The following MPZL3 variants were observed in gnomAD, a reference collection of about 807,000 sequenced individuals.
MPZL3 encodes the protein myelin protein zero like 3.
A neutral mutation model predicts 24.8 loss-of-function variants in MPZL3; 23 were observed. The observed-to-expected ratio is 0.93, with a 90% CI of 0.67 to 1.31. The LOEUF (loss-of-function observed/expected upper bound fraction) is 1.31. Ranked by LOEUF, MPZL3 falls within the 40% of genes most tolerant of loss-of-function variation. The probability of loss-of-function intolerance (pLI) is 0.00; values close to 1 mark genes in which losing one functional copy is unlikely to be tolerated. For missense variants in MPZL3, 277 were observed against 294.9 expected (o/e 0.94, Z 0.44); for synonymous variants, 99 against 106.5 (o/e 0.93, Z 0.44).
chr11:118,245,061 G>A (rs1428389401), intron 1 of MPZL3, among the ~76,000 whole-genome samples: 9 of 152,020 alleles, frequency 5.9e-5, no homozygotes, highest in African/African-American at 2.2e-4. Context: ...GGGCAACAAA[G>A]CAAGACTCCA....
Position 118,251,258 on chromosome 11 carries a change from A to T in MPZL3, c.73+964T>A, listed in dbSNP as rs189144768. Among the ~76,000 whole-genome samples the T allele has an allele frequency of 1.4e-3, 209 of 152,198 alleles. 1 individual carries two copies. Among genetic ancestry groups the T allele is most frequent in the African/African-American group, 4.8e-3 (201 of 41,538 alleles). ...GGGAGGGATCGGGGGTGTGCTGGCA[A>T]CATGAATATTAGTCACCAGTTAAAA... On this transcript the variant is annotated intron_variant, in intron 1 of 5. Coordinates refer to ENST00000278949, the MANE Select transcript of MPZL3 (RefSeq NM_198275.3).
In MPZL3 at chr11:118,229,447, A is replaced by G. The variant is rs1378135469; in HGVS notation, c.*447T>C. 1 of 165,334 alleles carries G rather than the reference A, an allele frequency of 6.0e-6. No homozygotes were observed. The highest frequency in any genetic ancestry group is 2.4e-5 in the African/African-American group (1 of 41,550). The allele number at this position is 165,334 out of a possible 1,614,324, so 10.2% of individuals were successfully genotyped here. On this transcript the variant is annotated 3_prime_UTR_variant, in exon 6 of 6. Coordinates refer to ENST00000278949, the MANE Select transcript of MPZL3 (RefSeq NM_198275.3). ...ACATGGAGCAAAAAACAAAGAATAC[A>G]TATCCCAAGCGAATATTTTGTCTGG...
chr11:118,236,214 C>T (rs1737229478), intron 3 of MPZL3, among the ~76,000 whole-genome samples: 3 of 152,028 alleles, frequency 2.0e-5, no homozygotes, highest in African/African-American at 7.3e-5. Context: ...ATTCTTCTGC[C>T]AGCAGTATGA....
chr11:118,251,229 A>G (rs770575629), intron 1 of MPZL3, among the ~76,000 whole-genome samples: 1 of 152,074 alleles, frequency 6.6e-6, no homozygotes, highest in Admixed American at 6.5e-5. Flanking sequence ...TGACACAGGC[A>G]GCTGGGAGGG....
At position 118,229,889 on chromosome 11, in the gene MPZL3, T is replaced by G; in HGVS notation, c.*5A>C. The G allele has an allele frequency of 3.1e-6, 5 of 1,613,574 alleles. No homozygotes were observed. The highest frequency in any genetic ancestry group is 4.2e-6 in the Non-Finnish European group (5 of 1,179,694). On this transcript the variant is annotated 3_prime_UTR_variant, in exon 6 of 6. Transcript: ENST00000278949. ...GTGACTCTTCTTGTGTCATACAGAC[T>G]TTCATCAATATGTCTCTTCATAGTC...
chr11:118,242,884 T>G, intron 1 of MPZL3, among the ~76,000 whole-genome samples: 1 of 152,080 alleles, frequency 6.6e-6, no homozygotes, highest in Admixed American at 6.6e-5. Context: ...GGGCAAAAAT[T>G]CAGAGGGAGG....
At chr11:118,230,556 A>G (rs973303417) in intron 5 of MPZL3, among the ~76,000 whole-genome samples, 1 of 152,122 alleles carries the variant, frequency 6.6e-6, no homozygotes, top group African/African-American at 2.4e-5. Flanking sequence ...TTCTAACTTC[A>G]AGTGGGCCAT....
In MPZL3 at chr11:118,228,717, A is replaced by T. The variant is rs1248916181; in HGVS notation, c.*1177T>A. On this transcript the variant is annotated 3_prime_UTR_variant, in exon 6 of 6. Transcript: ENST00000278949. ...TTTGAAAAACAATACAAGTGAAAAG[A>T]TGATTTAATTTGCAAAGAACTCCTG... The T allele has an allele frequency of 1.7e-5, 1 of 58,272 alleles. No homozygotes were observed. The allele number at this position is 58,272 out of a possible 1,614,324, so 3.6% of individuals were successfully genotyped here. A position where few individuals can be genotyped will look rare whatever the true frequency, so the allele number is the denominator to read the frequency against.
intron 1 of MPZL3, among the ~76,000 whole-genome samples, chr11:118,242,497 C>G (rs755754571): frequency 3.9e-5 from 6 of 152,262 alleles, no homozygotes; most frequent in African/African-American, 1.4e-4. Context: ...GGCAATCTAG[C>G]CCTAAACTTC....
intron 5 of MPZL3, among the ~76,000 whole-genome samples, chr11:118,231,822 C>A (rs1591489529): frequency 6.6e-6 from 1 of 152,284 alleles, no homozygotes; most frequent in South Asian, 2.1e-4. Flanking sequence ...CCACCTCCAC[C>A]ACCACCACCC....
At chr11:118,235,812 T>C (rs1464615725) in intron 3 of MPZL3, among the ~76,000 whole-genome samples, 1 of 152,214 alleles carries the variant, frequency 6.6e-6, no homozygotes, top group Admixed American at 6.5e-5. Context: ...CATTTAATCT[T>C]CTTCTAGGGG....
At chr11:118,247,054 G>C (rs1230865230) in intron 1 of MPZL3, among the ~76,000 whole-genome samples, 2 of 152,118 alleles carry the variant, frequency 1.3e-5, no homozygotes, top group Non-Finnish European at 2.9e-5. Context: ...GAGGGATACA[G>C]GTACTACAGA....
chr11:118,230,801 T>C (rs753650897), intron 5 of MPZL3, among the ~76,000 whole-genome samples: 36 of 152,228 alleles, frequency 2.4e-4, no homozygotes, highest in Admixed American at 7.9e-4. Context: ...GCCTTCCCTA[T>C]TGTTCTTATA....
chr11:118,252,150 C>G (rs1949627844), intron 1 of MPZL3, 72 bp downstream of exon 1: 1 of 1,539,154 alleles, frequency 6.5e-7, no homozygotes, highest in Non-Finnish European at 9.0e-7. Flanking sequence ...CCCCCCTACC[C>G]GGAACCGGAA....
chr11:118,245,153 T>C (rs1949544198), intron 1 of MPZL3, among the ~76,000 whole-genome samples: 1 of 151,552 alleles, frequency 6.6e-6, no homozygotes, highest in African/African-American at 2.4e-5. Flanking sequence ...AAATTCAGCA[T>C]GTTGGCAGGC....
intron 1 of MPZL3, among the ~76,000 whole-genome samples, chr11:118,243,334 T>A (rs1445581150): frequency 1.3e-5 from 2 of 152,174 alleles, no homozygotes; most frequent in African/African-American, 4.8e-5. Flanking sequence ...CGAGGCCATA[T>A]AAACGGCCCA....
intron 1 of MPZL3, among the ~76,000 whole-genome samples, chr11:118,240,715 C>T (rs1404269524): frequency 6.7e-6 from 1 of 148,858 alleles, no homozygotes; most frequent in Non-Finnish European, 1.5e-5. Context: ...ATCACCCATC[C>T]CCTTCCATCC....
At chr11:118,232,824 A>G (rs558678371) in intron 5 of MPZL3, among the ~76,000 whole-genome samples, 11 of 152,252 alleles carry the variant, frequency 7.2e-5, no homozygotes, top group African/African-American at 2.6e-4. Context: ...ACAGGTATGT[A>G]TCATATGAGA....
At chr11:118,251,874 A>G (rs2134722823) in intron 1 of MPZL3, among the ~76,000 whole-genome samples, 1 of 152,336 alleles carries the variant, frequency 6.6e-6, no homozygotes, top group South Asian at 2.1e-4. Context: ...ATCAGGGTAT[A>G]CAGCGCCCAA....
Sources: gnomAD v4.1 joint callset for allele counts (sites outside exome capture counted in the v4.1 genomes callset) on GRCh38, gnomAD v4.1.1 for gene constraint, MANE v1.5 for transcripts, NCBI Gene and HGNC (gene_info 2026-07-23, HGNC 2026-07-21) for gene names.